The following CPNE8 variants were observed in gnomAD, a reference collection of about 807,000 sequenced individuals.
The protein encoded by CPNE8 is copine-8.
CPNE8 carries 45 observed loss-of-function variants against 81.5 expected under a neutral mutation model. That is an observed-to-expected ratio of 0.55 (90% CI 0.44 to 0.71). The LOEUF (loss-of-function observed/expected upper bound fraction) is 0.71, where lower values mean the gene tolerates loss of function less well. Among genes scored for constraint, CPNE8 ranks in the 30% least tolerant of loss-of-function variants. CPNE8 has a pLI of 0.00. For synonymous variants in CPNE8, 252 were observed against 226.3 expected, an observed-to-expected ratio of 1.11 and a Z score of -1.02; for missense variants, 594 against 672.1, an observed-to-expected ratio of 0.88 and a Z score of 1.28.
At chr12:38,784,999 A>T (rs1942146151) in intron 6 of CPNE8, among the ~76,000 whole-genome samples, 1 of 152,166 alleles carries the variant, frequency 6.6e-6, no homozygotes, top group Non-Finnish European at 1.5e-5. Context: ...GTTTGAGACC[A>T]GCCTGGCCAA....
chr12:38,822,737 A>T (rs954663081), intron 6 of CPNE8, among the ~76,000 whole-genome samples: 6 of 152,078 alleles, frequency 3.9e-5, no homozygotes, highest in African/African-American at 1.4e-4. Context: ...TCTACAGCAA[A>T]TTCTTATTAC....
intron 8 of CPNE8, among the ~76,000 whole-genome samples, chr12:38,767,411 G>A (rs1046084301): frequency 2.0e-5 from 3 of 151,718 alleles, no homozygotes; most frequent in Non-Finnish European, 4.4e-5. Flanking sequence ...AAATAAAGAG[G>A]AAATATTTCT....
At chr12:38,688,901 CACTAAA>C (rs1334099821) in intron 15 of CPNE8, among the ~76,000 whole-genome samples, 1 of 152,142 alleles carries the variant, frequency 6.6e-6, no homozygotes, top group African/African-American at 2.4e-5. Context: ...CAGAAATCAC[CACTAAA>C]GAACTTATCC....
intron 14 of CPNE8, among the ~76,000 whole-genome samples, chr12:38,701,658 T>C (rs909841291): frequency 6.6e-6 from 1 of 152,022 alleles, no homozygotes; most frequent in Non-Finnish European, 1.5e-5. Flanking sequence ...CACGTTTGGC[T>C]AATTTTTGCA....
chr12:38,681,678 C>A (rs1939412100), intron 16 of CPNE8, among the ~76,000 whole-genome samples: 1 of 152,190 alleles, frequency 6.6e-6, no homozygotes, highest in African/African-American at 2.4e-5. Context: ...AAGGAATACT[C>A]ACGTAAGGCT....
At chr12:38,891,150 C>T (rs1197730404) in intron 1 of CPNE8, among the ~76,000 whole-genome samples, 1 of 151,784 alleles carries the variant, frequency 6.6e-6, no homozygotes, top group Non-Finnish European at 1.5e-5. Flanking sequence ...AGGCTGATTT[C>T]AACCTCCCAA....
At chr12:38,872,974 G>A (rs1445943777) in intron 3 of CPNE8, 30 bp downstream of exon 3, 1 of 1,297,356 alleles carries the variant, frequency 7.7e-7, no homozygotes, top group Non-Finnish European at 1.1e-6. Flanking sequence ...TTCAAGCCCA[G>A]TGATTTTTTT....
At chr12:38,900,993 A>G (rs115603000) in intron 1 of CPNE8, among the ~76,000 whole-genome samples, 8,138 of 152,262 alleles carry the variant, frequency 0.053, 696 homozygotes, top group African/African-American at 0.18. Flanking sequence ...AAGCCAAAGT[A>G]GGCAGATCAC....
In CPNE8 at chr12:38,677,545, AG is replaced by A. The variant is rs1230503315; in HGVS notation, c.1280del (p.Ser427PhefsTer3). The A allele has an allele frequency of 6.2e-7, 1 of 1,607,144 alleles. No homozygotes were observed. The highest frequency in any genetic ancestry group is 1.1e-5 in the South Asian group (1 of 90,928). ...AATACTGGGAGCCATCCTTTACAGA[AG>A]AAGCATATCTGAAAGGCAACGAAAA... ...PVINHVARYA[S>X]SVKDGSQYFV... On this transcript the variant is annotated frameshift_variant, in exon 17 of 20. Transcript: ENST00000331366. LOFTEE classifies it high-confidence loss of function.
intron 18 of CPNE8, among the ~76,000 whole-genome samples, chr12:38,673,703 T>TA (rs1048256317): frequency 5.9e-5 from 9 of 152,242 alleles, no homozygotes; most frequent in Admixed American, 5.9e-4. Flanking sequence ...AATTTCACTC[T>TA]AACTTCTGGG....
chr12:38,867,339 T>TGAGAGA (rs367740036), intron 3 of CPNE8, among the ~76,000 whole-genome samples: 8 of 122,000 alleles, frequency 6.6e-5, no homozygotes, highest in Non-Finnish European at 1.0e-4. Flanking sequence ...TGTGTGTGTG[T>TGAGAGA]GAGAGAGAGA....
chr12:38,898,357 A>T (rs1164764105), intron 1 of CPNE8, among the ~76,000 whole-genome samples: 1 of 152,196 alleles, frequency 6.6e-6, no homozygotes, highest in African/African-American at 2.4e-5. Flanking sequence ...CTTCAACGCC[A>T]CAGTTCAGAA....
chr12:38,769,316 T>C (rs928154044), intron 7 of CPNE8, among the ~76,000 whole-genome samples: 1 of 152,204 alleles, frequency 6.6e-6, no homozygotes, highest in South Asian at 2.1e-4. Context: ...ATAGTGACAA[T>C]AGAGGTAAGG....
At position 38,873,079 on chromosome 12, in the gene CPNE8, T is replaced by A. The variant is rs754310340; in HGVS notation, c.140-29A>T. On this transcript the variant is annotated intron_variant, in intron 2 of 19. Transcript: ENST00000331366. ...CAAAAGATGAAAAAATACGCACATA[T>A]AAATGTCTTTTATGAAAATCATATG... 5.9e-6 allele frequency: 8 copies of A among 1,360,702 alleles called. No homozygotes were observed. In the South Asian group the frequency reaches 9.9e-5, roughly 17 times the overall value. The allele number at this position is 1,360,702 out of a possible 1,614,324, so 84.3% of individuals were successfully genotyped here.
intron 9 of CPNE8, 40 bp downstream of exon 9, chr12:38,762,070 TAA>T (rs755692485): frequency 2.9e-6 from 3 of 1,048,986 alleles, no homozygotes; most frequent in Admixed American, 2.9e-5. Context: ...TAGATTTTTT[TAA>T]AAGTTATTTG....
chr12:38,746,125 G>GTATT (rs1165049383), intron 10 of CPNE8, among the ~76,000 whole-genome samples: 2 of 151,934 alleles, frequency 1.3e-5, no homozygotes, highest in African/African-American at 4.8e-5. Flanking sequence ...AGAGGTCAAG[G>GTATT]TATTCTATTT....
At chr12:38,764,616 C>G (rs1456847520) in intron 8 of CPNE8, among the ~76,000 whole-genome samples, 1 of 45,094 alleles carries the variant, frequency 2.2e-5, no homozygotes, top group African/African-American at 9.2e-5. Flanking sequence ...GACTCCGTCT[C>G]AAAAAAAAAA....
intron 1 of CPNE8, among the ~76,000 whole-genome samples, chr12:38,878,142 G>T (rs1944094721): frequency 6.6e-6 from 1 of 152,172 alleles, no homozygotes; most frequent in Admixed American, 6.5e-5. Flanking sequence ...ATATAATCAA[G>T]AAATAACCAT....
intron 6 of CPNE8, among the ~76,000 whole-genome samples, chr12:38,797,528 C>T (rs1412126800): frequency 1.3e-5 from 2 of 152,068 alleles, no homozygotes; most frequent in African/African-American, 4.8e-5. Flanking sequence ...GAGAGGACAT[C>T]CACACCAAAA....
Sources: allele counts gnomAD v4.1 joint callset (sites outside exome capture counted in the v4.1 genomes callset), GRCh38; gene constraint gnomAD v4.1.1; transcripts MANE v1.5; gene names NCBI Gene and HGNC (gene_info 2026-07-23, HGNC 2026-07-21).